R3HCC1L: variants seen among roughly 807,000 people sequenced by gnomAD.
R3HCC1L encodes the protein R3H domain and coiled-coil containing 1 like, also known as coiled-coil domain-containing protein R3HCC1L.
A neutral mutation model predicts 59.9 loss-of-function variants in R3HCC1L; 51 were observed. The observed-to-expected ratio is 0.85, with a 90% CI of 0.68 to 1.07. R3HCC1L has a LOEUF of 1.07. R3HCC1L is among the 50% of genes least tolerant of loss of function. R3HCC1L has a pLI of 0.00. For synonymous variants in R3HCC1L, 322 were observed against 315.2 expected (o/e 1.02, Z -0.23); for missense variants, 965 against 933.0 (o/e 1.03, Z -0.45).
Position 98,175,652 on chromosome 10 carries a change from T to C in R3HCC1L, c.-15+12255T>C, listed in dbSNP as rs566755476. Among the ~76,000 whole-genome samples the C allele has an allele frequency of 3.3e-5, 5 of 152,324 alleles. No homozygotes were observed. In the South Asian group the frequency reaches 1.0e-3, roughly 32 times the overall value. The stretch of plus-strand genomic sequence containing the variant: ...GTATTCTTAAATTATTTTGTTGTTT[T>C]TTTGACACTGAGTTTTGAGATTCTG... On this transcript the variant is annotated intron_variant, in intron 4 of 9. Transcript: ENST00000298999.
At chr10:98,182,542 C>T (rs572593960) in intron 4 of R3HCC1L, among the ~76,000 whole-genome samples, 6 of 152,228 alleles carry the variant, frequency 3.9e-5, no homozygotes, top group East Asian at 3.9e-4. Context: ...GCTCAAACAC[C>T]GTGCTCGGAG....
intron 1 of R3HCC1L, among the ~76,000 whole-genome samples, chr10:98,137,687 T>TAA (rs1844733428): frequency 6.6e-6 from 1 of 152,206 alleles, no homozygotes; most frequent in Non-Finnish European, 1.5e-5. Flanking sequence ...TGGGCTTTGC[T>TAA]GTGTTTCTGT....
intron 4 of R3HCC1L, among the ~76,000 whole-genome samples, chr10:98,181,790 C>T (rs1281722563): frequency 6.6e-6 from 1 of 152,154 alleles, no homozygotes; most frequent in East Asian, 1.9e-4. Context: ...CCCTTTATTC[C>T]AGTTGATCGA....
At position 98,208,820 on chromosome 10, in the gene R3HCC1L, C is replaced by T; in HGVS notation, c.706C>T (p.Pro236Ser). Reference protein sequence around the residue: ...SVMKPENMIVPIKLSSDSEIV... With the variant: ...SVMKPENMIVSIKLSSDSEIV... Reference sequence around the variant, plus strand: ...CATGAAACCTGAGAATATGATTGTACCAATAAAACTAAGCTCTGATTCTGA... The same window carrying T: ...CATGAAACCTGAGAATATGATTGTATCAATAAAACTAAGCTCTGATTCTGA... The change falls in exon 5 of 10, where the codon CCA (proline) becomes TCA (serine). Residue 236 changes from proline to serine, a missense_variant. Coordinates refer to ENST00000298999, the MANE Select transcript of R3HCC1L (RefSeq NM_001351015.2). 1.2e-6 allele frequency: 2 copies of T among 1,613,956 alleles called. No individual in the cohort carries two copies. The highest frequency in any genetic ancestry group is 1.7e-6 in the Non-Finnish European group (2 of 1,179,964).
chr10:98,168,865 T>A (rs1848217557), intron 4 of R3HCC1L, among the ~76,000 whole-genome samples: 2 of 152,300 alleles, frequency 1.3e-5, no homozygotes, highest in South Asian at 2.1e-4. Context: ...CATGTTGAAA[T>A]GTGCCTCTGG....
intron 1 of R3HCC1L, among the ~76,000 whole-genome samples, chr10:98,137,758 A>G (rs1378276280): frequency 2.6e-5 from 4 of 152,208 alleles, no homozygotes; most frequent in Admixed American, 2.6e-4. Flanking sequence ...CTGGTGCTTC[A>G]TTTACAACCT....
chr10:98,186,223 T>G (rs994345918), intron 4 of R3HCC1L, among the ~76,000 whole-genome samples: 4 of 152,132 alleles, frequency 2.6e-5, no homozygotes, highest in Non-Finnish European at 5.9e-5. Context: ...GGAAAAAATA[T>G]CTAAGTAATA....
intron 4 of R3HCC1L, among the ~76,000 whole-genome samples, chr10:98,202,069 AC>A (rs1852113890): frequency 6.6e-6 from 1 of 151,968 alleles, no homozygotes; most frequent in East Asian, 1.9e-4. Flanking sequence ...TGAGATTTTA[AC>A]ATTAAATTTT....
intron 4 of R3HCC1L, among the ~76,000 whole-genome samples, chr10:98,202,010 T>G (rs1852106332): frequency 1.3e-5 from 2 of 151,976 alleles, no homozygotes; most frequent in African/African-American, 4.8e-5. Context: ...CAAGCTGTCC[T>G]CCCACCTCAG....
intron 4 of R3HCC1L, among the ~76,000 whole-genome samples, chr10:98,164,992 G>C (rs1402866104): frequency 6.6e-6 from 1 of 152,214 alleles, no homozygotes; most frequent in Non-Finnish European, 1.5e-5. Flanking sequence ...GGGCATGGCA[G>C]CTCACCCCCG....
Position 98,147,623 on chromosome 10 carries a change from G to A in R3HCC1L, c.-267-8470G>A, listed in dbSNP as rs372486263. On this transcript the variant is annotated intron_variant, in intron 1 of 9. Transcript: ENST00000298999. ...ATAGGTCCTAGTTTCATCATTCTCAGTATAGTTATCCAGTTTTTCCAGCAC... is the reference window on the plus strand; with the variant it reads ...ATAGGTCCTAGTTTCATCATTCTCAATATAGTTATCCAGTTTTTCCAGCAC... Among the ~76,000 whole-genome samples, 5 of 152,156 alleles carry A rather than the reference G, an allele frequency of 3.3e-5. No homozygotes were observed. The South Asian group carries it at 1.0e-3, about 32-fold the overall frequency.
chr10:98,228,144 T>A (rs1011656032), intron 5 of R3HCC1L, among the ~76,000 whole-genome samples: 1 of 152,228 alleles, frequency 6.6e-6, no homozygotes, highest in Non-Finnish European at 1.5e-5. Context: ...TCTAGATCCC[T>A]GAGGAATTGC....
At chr10:98,195,761 A>G (rs1177199838) in intron 4 of R3HCC1L, among the ~76,000 whole-genome samples, 2 of 152,152 alleles carry the variant, frequency 1.3e-5, no homozygotes, top group Non-Finnish European at 2.9e-5. Context: ...GCCAAGAAAA[A>G]TAACTTTGTA....
chr10:98,174,031 A>C (rs1205026194), intron 4 of R3HCC1L, among the ~76,000 whole-genome samples: 1 of 152,198 alleles, frequency 6.6e-6, no homozygotes. Context: ...AGCTTTAAAA[A>C]GAGGAGATAG....
chr10:98,218,683 A>G (rs926451632), intron 5 of R3HCC1L, among the ~76,000 whole-genome samples: 3 of 152,072 alleles, frequency 2.0e-5, no homozygotes, highest in African/African-American at 7.3e-5. Context: ...AATGTCTGTT[A>G]GGTCCATTTG....
At chr10:98,218,516 A>G (rs149874714) in intron 5 of R3HCC1L, among the ~76,000 whole-genome samples, 2 of 152,118 alleles carry the variant, frequency 1.3e-5, no homozygotes, top group African/African-American at 2.4e-5. Flanking sequence ...GATACTTTGT[A>G]TTTTCTTAGT....
chr10:98,171,185 C>T (rs1393515707), intron 4 of R3HCC1L, among the ~76,000 whole-genome samples: 2 of 152,172 alleles, frequency 1.3e-5, no homozygotes, highest in African/African-American at 2.4e-5. Flanking sequence ...ACCAAGGTTC[C>T]AGTCTTGCAT....
intron 4 of R3HCC1L, among the ~76,000 whole-genome samples, chr10:98,194,132 A>G (rs61875282): frequency 0.17 from 26,274 of 152,014 alleles, 2,416 homozygotes; most frequent in Non-Finnish European, 0.2. Flanking sequence ...GCATACAAGC[A>G]GACATATAGA....
intron 6 of R3HCC1L, among the ~76,000 whole-genome samples, chr10:98,232,915 GTTAAAC>G (rs965868112): frequency 3.3e-5 from 5 of 152,160 alleles, no homozygotes; most frequent in African/African-American, 1.2e-4. Context: ...TGTTTAATCA[GTTAAAC>G]TTAATTCGGT....
Sources: allele counts gnomAD v4.1 joint callset (sites outside exome capture counted in the v4.1 genomes callset), GRCh38; gene constraint gnomAD v4.1.1; transcripts MANE v1.5; gene names NCBI Gene and HGNC (gene_info 2026-07-23, HGNC 2026-07-21).